The following FRMD4A variants were observed in gnomAD, a reference collection of about 807,000 sequenced individuals.
FRMD4A encodes the protein FERM domain containing 4A.
In FRMD4A, 29 loss-of-function variants were observed where a neutral mutation model predicts 129.1. The observed-to-expected ratio is 0.22, with a 90% CI of 0.17 to 0.31. The LOEUF (loss-of-function observed/expected upper bound fraction) is 0.31. FRMD4A is among the 10% of genes least tolerant of loss of function. The probability of loss-of-function intolerance (pLI) is 1.00; values close to 1 mark genes in which losing one functional copy is unlikely to be tolerated. For synonymous variants in FRMD4A, 634 were observed against 571.6 expected (o/e 1.11, Z -1.56); for missense variants, 1,272 against 1,375.8 (o/e 0.92, Z 1.19).
At chr10:13,915,266 C>T (rs1252923995) in intron 2 of FRMD4A, among the ~76,000 whole-genome samples, 9 of 152,126 alleles carry the variant, frequency 5.9e-5, no homozygotes, top group Non-Finnish European at 1.2e-4. Flanking sequence ...ATAGCTCTAG[C>T]AGTGGGAAGG....
At chr10:13,925,578 T>TA (rs1454992550) in intron 2 of FRMD4A, among the ~76,000 whole-genome samples, 1 of 49,724 alleles carries the variant, frequency 2.0e-5, no homozygotes, top group South Asian at 7.5e-4. Flanking sequence ...TTTTTTTTTT[T>TA]TTTTTTTTTT....
Position 13,999,782 on chromosome 10 carries a change from C to T in FRMD4A, c.46-140870G>A, listed in dbSNP as rs1250069488. Reference sequence around the variant, plus strand: ...AGGATTTTAGGAAGTTTTTCATGATCAAGTTCTCCACCAAGAAGAGCTAGC... The same window carrying T: ...AGGATTTTAGGAAGTTTTTCATGATTAAGTTCTCCACCAAGAAGAGCTAGC... On this transcript the variant is annotated intron_variant, in intron 2 of 24. Transcript: ENST00000357447. 2.0e-5 allele frequency among the ~76,000 whole-genome samples: 3 copies of T among 152,220 alleles called. No individual in the cohort carries two copies. The South Asian group carries it at 6.2e-4, about 32-fold the overall frequency.
intron 6 of FRMD4A, among the ~76,000 whole-genome samples, chr10:13,777,277 G>C (rs11258595): frequency 0.6 from 90,543 of 152,146 alleles, 29,034 homozygotes; most frequent in East Asian, 0.86. Context: ...TCCTCCTCTG[G>C]AAAGCCAGCG....
chr10:13,994,227 T>G (rs1391103196), intron 2 of FRMD4A, among the ~76,000 whole-genome samples: 1 of 145,224 alleles, frequency 6.9e-6, no homozygotes, highest in Non-Finnish European at 1.5e-5. Flanking sequence ...GTCACCAGGC[T>G]GGAGTGCAGT....
Position 13,737,880 on chromosome 10 carries a change from G to A in FRMD4A, c.723C>T (p.Phe241=), listed in dbSNP as rs1241032008. 3 of 1,608,504 alleles carry A rather than the reference G, an allele frequency of 1.9e-6. No individual in the cohort carries two copies. Among genetic ancestry groups the A allele is most frequent in the Admixed American group, 3.3e-5 (2 of 59,950 alleles). The change falls in exon 12 of 25, where the codon TTC becomes TTT. Residue 241 remains phenylalanine (F), a synonymous_variant. Coordinates refer to ENST00000357447, the MANE Select transcript of FRMD4A (RefSeq NM_018027.5). ...TCACTTTATCATGGTAGTCATACTG[G>A]AAGATCCCTTTGTAGCTCAGGCCCA... The part of the protein sequence containing the change: ...WWLGLSYKGI[F]QYDYHDKVKP...
At chr10:14,218,127 G>T (rs1288614926) in intron 2 of FRMD4A, among the ~76,000 whole-genome samples, 1 of 152,158 alleles carries the variant, frequency 6.6e-6, no homozygotes, top group Non-Finnish European at 1.5e-5. Context: ...ATGGTGCCCA[G>T]CTTATTTCTA....
intron 5 of FRMD4A, among the ~76,000 whole-genome samples, chr10:13,790,095 A>G (rs4603201): frequency 0.25 from 38,042 of 151,680 alleles, 5,513 homozygotes; most frequent in East Asian, 0.46. Flanking sequence ...ATGGATAGGG[A>G]GCTGTTTAAG....
intron 2 of FRMD4A, among the ~76,000 whole-genome samples, chr10:14,238,426 C>G (rs1036440868): frequency 6.6e-6 from 1 of 152,120 alleles, no homozygotes; most frequent in Non-Finnish European, 1.5e-5. Flanking sequence ...AATTCCATAC[C>G]GTGGCCCATC....
chr10:14,029,525 C>T (rs890698189), intron 2 of FRMD4A, among the ~76,000 whole-genome samples: 4 of 152,166 alleles, frequency 2.6e-5, no homozygotes, highest in Non-Finnish European at 4.4e-5. Context: ...ATTGCATATA[C>T]AAAATGTGTT....
At chr10:14,132,096 G>A (rs1839290696) in intron 2 of FRMD4A, among the ~76,000 whole-genome samples, 1 of 152,112 alleles carries the variant, frequency 6.6e-6, no homozygotes, top group Non-Finnish European at 1.5e-5. Context: ...GACCAGCCTG[G>A]CCAACATGGT....
chr10:14,027,362 C>T (rs117430129), intron 2 of FRMD4A, among the ~76,000 whole-genome samples: 783 of 152,258 alleles, frequency 5.1e-3, no homozygotes, highest in Non-Finnish European at 8.2e-3. Context: ...TCAATGCGGC[C>T]GGGCATGGTG....
At chr10:13,846,140 G>A (rs373576835) in intron 3 of FRMD4A, among the ~76,000 whole-genome samples, 16 of 152,226 alleles carry the variant, frequency 1.1e-4, no homozygotes, top group East Asian at 3.9e-4. Context: ...AAAAATAAGC[G>A]TTCAATTAGC....
chr10:14,201,355 G>A (rs752361309), intron 2 of FRMD4A, among the ~76,000 whole-genome samples: 2 of 152,122 alleles, frequency 1.3e-5, no homozygotes, highest in South Asian at 2.1e-4. Flanking sequence ...AATAACTGGC[G>A]TCGGTTCCAT....
intron 9 of FRMD4A, among the ~76,000 whole-genome samples, chr10:13,745,467 G>A (rs1231657607): frequency 6.6e-6 from 1 of 152,208 alleles, no homozygotes; most frequent in Non-Finnish European, 1.5e-5. Flanking sequence ...GGAGGCTCAG[G>A]GAAAGCGCTG....
chr10:14,020,547 G>A (rs1050006105), intron 2 of FRMD4A, among the ~76,000 whole-genome samples: 7 of 152,176 alleles, frequency 4.6e-5, no homozygotes, highest in Non-Finnish European at 8.8e-5. Context: ...GGACACACTG[G>A]CCTATAGATG....
intron 2 of FRMD4A, among the ~76,000 whole-genome samples, chr10:14,226,329 T>C (rs570359898): frequency 1.6e-4 from 24 of 152,312 alleles, no homozygotes; most frequent in African/African-American, 5.8e-4. Flanking sequence ...AACAGCTCAC[T>C]GTACCTCTCT....
intron 6 of FRMD4A, among the ~76,000 whole-genome samples, chr10:13,763,150 C>T (rs1368732409): frequency 6.6e-6 from 1 of 152,140 alleles, no homozygotes; most frequent in Non-Finnish European, 1.5e-5. Flanking sequence ...GGGACCTGGG[C>T]CTACCCGACT....
chr10:13,863,360 T>C (rs1373229589), intron 2 of FRMD4A, among the ~76,000 whole-genome samples: 9 of 151,994 alleles, frequency 5.9e-5, no homozygotes, highest in African/African-American at 1.9e-4. Flanking sequence ...GGCAGGTGGA[T>C]TGCCTCAGCT....
At chr10:14,175,591 G>A (rs1344936097) in intron 2 of FRMD4A, among the ~76,000 whole-genome samples, 4 of 141,572 alleles carry the variant, frequency 2.8e-5, no homozygotes, top group Admixed American at 2.2e-4. Flanking sequence ...GTGCAATGAT[G>A]ATGGCTCACT....
Sources: gnomAD v4.1 joint callset for allele counts (sites outside exome capture counted in the v4.1 genomes callset) on GRCh38, gnomAD v4.1.1 for gene constraint, MANE v1.5 for transcripts, NCBI Gene and HGNC (gene_info 2026-07-23, HGNC 2026-07-21) for gene names.